ZDHHC11B: variants seen among roughly 807,000 people sequenced by gnomAD.
ZDHHC11B encodes zDHHC palmitoyltransferase 11B (putative).
ZDHHC11B carries 17 observed loss-of-function variants against 42.3 expected under a neutral mutation model. The observed-to-expected ratio is 0.40, with a 90% CI of 0.27 to 0.60. The LOEUF (loss-of-function observed/expected upper bound fraction) is 0.60, where lower values mean the gene tolerates loss of function less well. ZDHHC11B is among the 20% of genes least tolerant of loss of function. ZDHHC11B has a pLI of 0.41. For missense variants in ZDHHC11B, 262 were observed against 463.2 expected (o/e 0.57, Z 3.99); for synonymous variants, 123 against 193.5 (o/e 0.64, Z 3.02).
At position 733,625 on chromosome 5, in the gene ZDHHC11B, G is replaced by C. The variant is rs1743234329; in HGVS notation, c.1023+127C>G. 8.6e-6 allele frequency: 7 copies of C among 811,994 alleles called. No homozygotes were observed. In the East Asian group the frequency reaches 1.9e-4, roughly 22 times the overall value. The allele number at this position is 811,994 out of a possible 1,614,324, so 50.3% of individuals were successfully genotyped here. Reference sequence around the variant, plus strand: ...TCCACCCACCATCATTCCCATGTGAGCAGCACCCTTGGACACAGAGTGCTT... The same window carrying C: ...TCCACCCACCATCATTCCCATGTGACCAGCACCCTTGGACACAGAGTGCTT... On this transcript the variant is annotated intron_variant, in intron 11 of 13. Coordinates refer to ENST00000508859, the MANE Select transcript of ZDHHC11B (RefSeq NM_001351303.2).
intron 13 of ZDHHC11B, among the ~76,000 whole-genome samples, chr5:714,059 C>T (rs1399712312): frequency 7.4e-6 from 1 of 134,508 alleles, no homozygotes; most frequent in East Asian, 2.0e-4. Context: ...CTCCTCAGTT[C>T]ATTAATGCCT....
chr5:766,789 A>G lies in ZDHHC11B; in HGVS notation c.131T>C (p.Val44Ala). Residue 44 changes from valine (V) to alanine (A), a missense_variant, in exon 4 of 14, where the codon GTG becomes GCG. Physicochemically the swap from Val to Ala is moderately conservative, Grantham distance 64. Coordinates refer to ENST00000508859, the MANE Select transcript of ZDHHC11B (RefSeq NM_001351303.2). ...AAGGCCAACGAAGACAGCCCAAGTCACCACCCGGAAGTAGTGCAGGGGTAA... is the reference window on the plus strand; with the variant it reads ...AAGGCCAACGAAGACAGCCCAAGTCGCCACCCGGAAGTAGTGCAGGGGTAA... Reference protein sequence around the residue: ...WSLPLHYFRVVTWAVFVGLSL... With the variant: ...WSLPLHYFRVATWAVFVGLSL... 1 of 1,612,640 alleles carries G rather than the reference A, an allele frequency of 6.2e-7. No individual in the cohort carries two copies. The highest frequency in any genetic ancestry group is 8.5e-7 in the Non-Finnish European group (1 of 1,179,226).
chr5:754,259 C>T (rs199708265), intron 6 of ZDHHC11B, among the ~76,000 whole-genome samples: 3 of 82,878 alleles, frequency 3.6e-5, no homozygotes, highest in East Asian at 9.2e-4. Flanking sequence ...AGGGGAAACA[C>T]CTCTCGTCTA....
rs1255620629 is a variant in ZDHHC11B, at chr5:710,699, GACTGTGAGCTTCCATTTCCCAGT to G, written c.*1568_*1590del. 7.5e-6 allele frequency: 1 copy of G among 133,090 alleles called. No homozygotes were observed. The highest frequency in any genetic ancestry group is 1.6e-5 in the Non-Finnish European group (1 of 62,572). The allele number at this position is 133,090 out of a possible 1,614,324, so 8.2% of individuals were successfully genotyped here. On this transcript the variant is annotated 3_prime_UTR_variant, in exon 14 of 14. Transcript: ENST00000508859. ...CCAGCACTATGCTCCCATTTCCCAG[GACTGTGAGCTTCCATTTCCCAGT>G]ACTGTGCTCCCATTTCCCAATGCTA... is the stretch of plus-strand genomic sequence containing the variant.
rs879741889 is a variant in ZDHHC11B at position 719,627 on chromosome 5, GAAA to G, written c.1059-2765_1059-2763del. Among the ~76,000 whole-genome samples the G allele has an allele frequency of 7.5e-5, 10 of 133,830 alleles. No individual in the cohort carries two copies. In the South Asian group the frequency reaches 1.9e-3, roughly 26 times the overall value. The allele number at this position is 133,830 out of a possible 152,430, so 87.8% of individuals were successfully genotyped here. A position where few individuals can be genotyped will look rare whatever the true frequency, so the allele number is the denominator to read the frequency against. ...CCGAAATTATCCAGTCTGAGGACCAGAAAAAAAAAAAAAGAATGAAAGAGGATA... is the reference window on the plus strand; with the variant it reads ...CCGAAATTATCCAGTCTGAGGACCAGAAAAAAAAAAGAATGAAAGAGGATA... On this transcript the variant is annotated intron_variant, in intron 12 of 13. Transcript: ENST00000508859.
Position 763,828 on chromosome 5 carries a change from T to C in ZDHHC11B, c.222+2870A>G, listed in dbSNP as rs571022134. ...AAATAAAAGTTTGTTAGACACAAAC[T>C]GGAGCATTTACAGGTGAAATTTCCC... is the stretch of plus-strand genomic sequence containing the variant. On this transcript the variant is annotated intron_variant, in intron 4 of 13. Transcript: ENST00000508859. 3.9e-5 allele frequency among the ~76,000 whole-genome samples: 6 copies of C among 152,030 alleles called. 1 individual carries two copies. The highest frequency in any genetic ancestry group is 4.2e-4 in the South Asian group (2 of 4,808).
intron 12 of ZDHHC11B, 117 bp from the exon 13 acceptor site, chr5:716,982 G>A (rs1019087908): frequency 2.3e-5 from 33 of 1,444,990 alleles, no homozygotes; most frequent in African/African-American, 1.2e-4. Context: ...AGCTTGTGAC[G>A]TGGGCAATCA....
At chr5:741,378 G>A (rs1343343325) in intron 10 of ZDHHC11B, among the ~76,000 whole-genome samples, 2 of 148,614 alleles carry the variant, frequency 1.3e-5, no homozygotes, top group Non-Finnish European at 3.0e-5. Context: ...AGGGAGTGAA[G>A]AATGTAGTTT....
intron 1 of ZDHHC11B, among the ~76,000 whole-genome samples, chr5:772,217 C>T (rs1344149354): frequency 1.3e-5 from 2 of 149,636 alleles, no homozygotes; most frequent in Admixed American, 1.3e-4. Flanking sequence ...GTGGGAGTCA[C>T]GACGCGTGAG....
intron 12 of ZDHHC11B, among the ~76,000 whole-genome samples, chr5:729,203 G>A (rs1357982681): frequency 1.3e-5 from 2 of 150,990 alleles, no homozygotes; most frequent in Non-Finnish European, 3.0e-5. Context: ...CTTCTTCCCA[G>A]CACGAGCAGC....
chr5:766,459 G>A lies in ZDHHC11B; in HGVS notation c.222+239C>T, dbSNP rs561253949. Among the ~76,000 whole-genome samples the A allele has an allele frequency of 4.7e-4, 72 of 152,008 alleles. 1 individual carries two copies. The South Asian group carries it at 5.4e-3, about 11-fold the overall frequency. On this transcript the variant is annotated intron_variant, in intron 4 of 13. Coordinates refer to ENST00000508859, the MANE Select transcript of ZDHHC11B (RefSeq NM_001351303.2). ...GGGTCAGTGGCTGCTCTGTCCACCC[G>A]ACGATGGGCCACGCAGGAATGGCCT...
chr5:724,359 C>G (rs1249215159), intron 12 of ZDHHC11B, among the ~76,000 whole-genome samples: 8 of 140,140 alleles, frequency 5.7e-5, no homozygotes, highest in African/African-American at 2.2e-4. Flanking sequence ...AGCATGCCAT[C>G]AAACCCAGCT....
chr5:754,865 C>T, intron 6 of ZDHHC11B, 133 bp downstream of exon 6: 1 of 327,312 alleles, frequency 3.1e-6, no homozygotes, highest in South Asian at 4.5e-5. Context: ...CCAAGCGCCA[C>T]CACATCAGGA....
chr5:737,989 G>C (rs1743731818), intron 10 of ZDHHC11B, among the ~76,000 whole-genome samples: 1 of 117,704 alleles, frequency 8.5e-6, no homozygotes, highest in Non-Finnish European at 1.8e-5. Context: ...ATCCAAATTG[G>C]TAAACAGGAA....
intron 12 of ZDHHC11B, among the ~76,000 whole-genome samples, chr5:729,103 C>T (rs369163611): frequency 0.063 from 8,938 of 142,308 alleles, 108 homozygotes; most frequent in East Asian, 0.19. Context: ...AGGGGGAGAC[C>T]GGGAGGCATG....
chr5:730,288 A>C, intron 12 of ZDHHC11B, 146 bp downstream of exon 12: 1 of 1,066,508 alleles, frequency 9.4e-7, no homozygotes, highest in South Asian at 1.8e-5. Flanking sequence ...ATGAATGGCT[A>C]TAAATGTTCA....
intron 12 of ZDHHC11B, among the ~76,000 whole-genome samples, chr5:725,923 T>G (rs1465988197): frequency 6.6e-6 from 1 of 152,154 alleles, no homozygotes; most frequent in Non-Finnish European, 1.5e-5. Flanking sequence ...AGGGGGATGA[T>G]GCAAAGGAAC....
At position 712,928 on chromosome 5, in the gene ZDHHC11B, G is replaced by GTATA. The variant is rs70955292; in HGVS notation, c.*8-650_*8-647dup. 8.9e-3 allele frequency among the ~76,000 whole-genome samples: 1,270 copies of GTATA among 142,542 alleles called. 25 individuals carry two copies. The highest frequency in any genetic ancestry group is 0.083 in the East Asian group (398 of 4,794). 93.5% of individuals were successfully genotyped at this position (142,542 alleles called of 152,430 possible). On this transcript the variant is annotated intron_variant, in intron 13 of 13. Coordinates refer to ENST00000508859, the MANE Select transcript of ZDHHC11B (RefSeq NM_001351303.2). ...TGTCTAAATACATATGTGTGTGTGT[G>GTATA]TATATATATATATATTCTTTGTTTA...
intron 4 of ZDHHC11B, among the ~76,000 whole-genome samples, chr5:756,845 C>T (rs1176909520): frequency 6.6e-6 from 1 of 151,650 alleles, no homozygotes; most frequent in African/African-American, 2.4e-5. Flanking sequence ...CCGAGACTTG[C>T]TCAGGGAAAC....
Sources: allele counts gnomAD v4.1 joint callset (sites outside exome capture counted in the v4.1 genomes callset), GRCh38; gene constraint gnomAD v4.1.1; transcripts MANE v1.5; gene names NCBI Gene and HGNC (gene_info 2026-07-23, HGNC 2026-07-21).